OSBPL10: variants seen among roughly 807,000 people sequenced by gnomAD.
OSBPL10 encodes the protein oxysterol binding protein like 10, also known as oxysterol-binding protein-related protein 10.
In OSBPL10, 49 loss-of-function variants were observed where a neutral mutation model predicts 81.7. That is an observed-to-expected ratio of 0.60 (90% CI 0.48 to 0.76). OSBPL10 has a LOEUF of 0.76. OSBPL10 is among the 30% of genes least tolerant of loss of function. OSBPL10 has a pLI of 0.00. For synonymous variants in OSBPL10, 419 were observed against 383.6 expected (o/e 1.09, Z -1.08); for missense variants, 923 against 987.8 (o/e 0.93, Z 0.88).
intron 8 of OSBPL10, among the ~76,000 whole-genome samples, chr3:31,678,006 A>G (rs1054934178): frequency 2.7e-4 from 39 of 145,826 alleles, no homozygotes; most frequent in East Asian, 6.0e-4. Flanking sequence ...GCGTGAACCC[A>G]GGAAGCGGAG....
At chr3:31,730,788 G>A (rs999207464) in intron 6 of OSBPL10, among the ~76,000 whole-genome samples, 4 of 152,122 alleles carry the variant, frequency 2.6e-5, no homozygotes, top group African/African-American at 9.7e-5. Context: ...ACCAGCAGAG[G>A]GGAGCTACCT....
chr3:31,765,510 G>C (rs55772065), intron 4 of OSBPL10, among the ~76,000 whole-genome samples: 4 of 83,246 alleles, frequency 4.8e-5, no homozygotes, highest in Admixed American at 1.3e-4. Flanking sequence ...ATGAATGAAT[G>C]AATGAATGAA....
chr3:31,797,764 C>T (rs1390495219), intron 4 of OSBPL10: 1 of 456,174 alleles, frequency 2.2e-6, no homozygotes, highest in Non-Finnish European at 4.4e-6. Flanking sequence ...CCAGAAAGAT[C>T]AACTGGGTTT....
chr3:32,048,401 T>A (rs1300675387), intron 1 of OSBPL10, among the ~76,000 whole-genome samples: 3 of 151,112 alleles, frequency 2.0e-5, no homozygotes, highest in African/African-American at 7.3e-5. Flanking sequence ...TCTGCCTTCC[T>A]GGTTCAAGTG....
intron 5 of OSBPL10, among the ~76,000 whole-genome samples, chr3:31,744,937 A>G (rs976796024): frequency 2.6e-5 from 4 of 152,210 alleles, no homozygotes; most frequent in Admixed American, 6.5e-5. Flanking sequence ...TGCAAGTTAC[A>G]ATATAGGGCA....
intron 4 of OSBPL10, among the ~76,000 whole-genome samples, chr3:31,812,577 G>T (rs1477153538): frequency 6.6e-6 from 1 of 151,926 alleles, no homozygotes; most frequent in Non-Finnish European, 1.5e-5. Context: ...CCAAATGTTA[G>T]GAAATTCTAA....
rs550763681 is a variant in OSBPL10 at position 32,063,013 on chromosome 3, T to C, written n.185+14383A>G. On this transcript the variant is annotated intron_variant and non_coding_transcript_variant, in intron 1 of 3. Transcript: ENST00000479173. ...TGGATAACGTCAATCCACAGCAGTT[T>C]AGGTACTGAAAATATTTATGTATTC... 4.7e-4 allele frequency among the ~76,000 whole-genome samples: 44 copies of C among 93,862 alleles called. 11 individuals carry two copies. Among genetic ancestry groups the C allele is most frequent in the Admixed American group, 1.0e-3 (8 of 7,750 alleles). 61.6% of individuals were successfully genotyped at this position (93,862 alleles called of 152,430 possible). A position where few individuals can be genotyped will look rare whatever the true frequency, so the allele number is the denominator to read the frequency against.
chr3:32,069,978 G>A (rs1443341031), intron 1 of OSBPL10, among the ~76,000 whole-genome samples: 4 of 152,130 alleles, frequency 2.6e-5, no homozygotes, highest in African/African-American at 9.7e-5. Flanking sequence ...TGGACTCTCC[G>A]ACTCACATCG....
chr3:31,737,130 A>G (rs1414083908), intron 5 of OSBPL10, among the ~76,000 whole-genome samples: 1 of 152,188 alleles, frequency 6.6e-6, no homozygotes, highest in East Asian at 1.9e-4. Flanking sequence ...TTGGCAATGC[A>G]TGCTGGGGAA....
chr3:31,946,333 A>G (rs1488571056), intron 1 of OSBPL10, among the ~76,000 whole-genome samples: 1 of 152,074 alleles, frequency 6.6e-6, no homozygotes, highest in Non-Finnish European at 1.5e-5. Context: ...CTTTTTCAAT[A>G]ATAACAAAAA....
At chr3:32,035,562 CA>C (rs35533294) in intron 2 of OSBPL10, among the ~76,000 whole-genome samples, 4,817 of 90,938 alleles carry the variant, frequency 0.053, 70 homozygotes, top group East Asian at 0.12. Flanking sequence ...AACTCTGTCT[CA>C]AAAAAAAAAA....
At chr3:31,811,397 G>A (rs188397226) in intron 4 of OSBPL10, among the ~76,000 whole-genome samples, 6 of 152,340 alleles carry the variant, frequency 3.9e-5, no homozygotes, top group East Asian at 1.9e-4. Context: ...CCCCATGTGC[G>A]GCGCAGGGAG....
intron 3 of OSBPL10, among the ~76,000 whole-genome samples, chr3:31,860,556 G>A (rs192387998): frequency 9.2e-5 from 14 of 152,254 alleles, no homozygotes; most frequent in African/African-American, 2.6e-4. Flanking sequence ...ATTCTCCACC[G>A]TTGCCACCAC....
At chr3:31,851,569 G>A (rs931161621) in intron 3 of OSBPL10, among the ~76,000 whole-genome samples, 8 of 152,212 alleles carry the variant, frequency 5.3e-5, no homozygotes, top group African/African-American at 1.4e-4. Context: ...AGACCAGCAC[G>A]ACTCACACGA....
chr3:31,923,750 G>A (rs113356314), intron 1 of OSBPL10, among the ~76,000 whole-genome samples: 1 of 152,150 alleles, frequency 6.6e-6, no homozygotes, highest in African/African-American at 2.4e-5. Flanking sequence ...TTGTGCCATT[G>A]CACTCCAGCC....
chr3:31,996,469 A>C lies in OSBPL10; in HGVS notation n.298+50022T>G, dbSNP rs578185945. On this transcript the variant is annotated intron_variant and non_coding_transcript_variant, in intron 2 of 3. Transcript: ENST00000479173. ...CTAAATATGAGCCAACCTATGTGTG[A>C]TCTGAAGTCTTTTTAAATATAAATT... Among the ~76,000 whole-genome samples, 15 of 150,844 alleles carry C rather than the reference A, an allele frequency of 9.9e-5. No homozygotes were observed. The South Asian group carries it at 3.1e-3, about 32-fold the overall frequency.
intron 1 of OSBPL10, among the ~76,000 whole-genome samples, chr3:31,934,962 G>A (rs142470088): frequency 6.6e-6 from 1 of 152,178 alleles, no homozygotes; most frequent in Non-Finnish European, 1.5e-5. Flanking sequence ...TAGAGTAGTT[G>A]CAAGAAGCCA....
intron 8 of OSBPL10, among the ~76,000 whole-genome samples, chr3:31,678,010 A>G (rs899678026): frequency 6.9e-6 from 1 of 144,544 alleles, no homozygotes; most frequent in Middle Eastern, 3.4e-3. Flanking sequence ...GAACCCAGGA[A>G]GCGGAGCTTG....
At chr3:31,993,789 G>A (rs1002011329) in intron 2 of OSBPL10, among the ~76,000 whole-genome samples, 2 of 152,036 alleles carry the variant, frequency 1.3e-5, no homozygotes, top group Non-Finnish European at 2.9e-5. Flanking sequence ...AAATAATACA[G>A]TCACTTTGGA....
Sources: allele counts gnomAD v4.1 joint callset (sites outside exome capture counted in the v4.1 genomes callset), GRCh38; gene constraint gnomAD v4.1.1; transcripts MANE v1.5; gene names NCBI Gene and HGNC (gene_info 2026-07-23, HGNC 2026-07-21).